Variants in CLK1 observed in about 807,000 individuals in gnomAD.
CLK1 encodes CDC like kinase 1.
Under a neutral mutation model 60.9 loss-of-function variants are expected in CLK1, and 40 were observed. The ratio of observed to expected loss-of-function variants is 0.66; its 90% CI spans 0.51 to 0.86. The LOEUF is 0.86. Among genes scored for constraint, CLK1 ranks in the 40% least tolerant of loss-of-function variants. The pLI is 0.00. For synonymous variants in CLK1, 203 were observed against 184.4 expected (o/e 1.10, Z -0.82); for missense variants, 563 against 606.1 (o/e 0.93, Z 0.75).
Position 200,861,740 on chromosome 2 carries a change from G to A in CLK1, c.123C>T (p.Asn41=). 6.2e-7 allele frequency: 1 copy of A among 1,614,076 alleles called. No homozygotes were observed. Among genetic ancestry groups the A allele is most frequent in the Non-Finnish European group, 8.5e-7 (1 of 1,180,002 alleles). The change falls in exon 2 of 13, where the codon AAC becomes AAT. Residue 41 remains asparagine, a synonymous_variant. Coordinates refer to ENST00000321356, the MANE Select transcript of CLK1 (RefSeq NM_004071.4). ...TAGAGTGATTGTATTTGCAGCGCTT[G>A]TTCTCCTGGGCACTGCTATGTGATC... ...RKRSHSSAQE[N]KRCKYNHSKM... is the part of the protein sequence containing the mutation.
intron 4 of CLK1, 85 bp downstream of exon 4, chr2:200,860,040 A>G: frequency 6.5e-7 from 1 of 1,529,256 alleles, no homozygotes; most frequent in Non-Finnish European, 8.8e-7. Flanking sequence ...AGAAAGAAAA[A>G]AAGATTTCCA....
At position 200,854,699 on chromosome 2, in the gene CLK1, GAAATA is replaced by G. The variant is rs981107368; in HGVS notation, c.1141-9_1141-5del. 2 of 1,593,368 alleles carry G rather than the reference GAAATA, an allele frequency of 1.3e-6. No individual in the cohort carries two copies. The highest frequency in any genetic ancestry group is 1.7e-6 in the Non-Finnish European group (2 of 1,162,274). ...AATGCTCCTTACTATCGTGTGTCTA[GAAATA>G]AAATAAAAACAGACTTGGGGAAGAT... On this transcript the variant is annotated splice_region_variant and splice_polypyrimidine_tract_variant and intron_variant, in intron 10 of 12. Coordinates refer to ENST00000321356, the MANE Select transcript of CLK1 (RefSeq NM_004071.4).
At chr2:200,860,066 A>C (rs1396864706) in intron 4 of CLK1, 59 bp downstream of exon 4, 5 of 1,566,784 alleles carry the variant, frequency 3.2e-6, no homozygotes, top group Non-Finnish European at 3.5e-6. Context: ...CTGAAAGCTT[A>C]ATCTATATAT....
At chr2:200,858,142 C>T (rs1381106096) in intron 5 of CLK1, 53 bp from the exon 6 acceptor site, 1 of 1,148,398 alleles carries the variant, frequency 8.7e-7, no homozygotes, top group East Asian at 2.3e-5. Context: ...TGCTCAATTC[C>T]AGGTATTACT....
chr2:200,857,235 G>A (rs1015873387), intron 7 of CLK1: 15 of 464,490 alleles, frequency 3.2e-5, no homozygotes, highest in African/African-American at 2.3e-4. Context: ...GAACTGGGGA[G>A]GCAGAGTTTG....
At position 200,853,189 on chromosome 2, in the gene CLK1, A is replaced by C; in HGVS notation, c.*117T>G. The C allele has an allele frequency of 5.3e-6, 4 of 749,750 alleles. No homozygotes were observed. The highest frequency in any genetic ancestry group is 8.2e-6 in the Non-Finnish European group (4 of 488,970). 46.4% of individuals were successfully genotyped at this position (749,750 alleles called of 1,614,324 possible). A position where few individuals can be genotyped will look rare whatever the true frequency, so the allele number is the denominator to read the frequency against. ...TGAACCAAATTACCCAAACAAAATAAACATGGCAATATAAAAATGTTAAGA... is the reference window on the plus strand; with the variant it reads ...TGAACCAAATTACCCAAACAAAATACACATGGCAATATAAAAATGTTAAGA... On this transcript the variant is annotated 3_prime_UTR_variant, in exon 13 of 13. Transcript: ENST00000321356.
At chr2:200,860,506 AT>A in intron 3 of CLK1, 1 of 1,096,068 alleles carries the variant, frequency 9.1e-7, no homozygotes. Flanking sequence ...AAAAAAAAAA[AT>A]GCTTAGTTGT....
In CLK1 at chr2:200,856,785, A is replaced by G. The variant is rs779423261; in HGVS notation, c.954T>C (p.Asn318=). Residue 318 remains asparagine, a synonymous_variant, in exon 9 of 13, where the codon AAT becomes AAC. Coordinates refer to ENST00000321356, the MANE Select transcript of CLK1 (RefSeq NM_004071.4). The part of the protein sequence containing the change: ...KIKRDERTLI[N]PDIKVVDFGS... ...CAAAGTCTACAACTTTAATATCTGG[A>G]TTTATTAAGGTGCGTTCATCACGTT... The G allele has an allele frequency of 1.9e-6, 3 of 1,613,608 alleles. No individual in the cohort carries two copies. Among genetic ancestry groups the G allele is most frequent in the Middle Eastern group, 3.3e-4 (2 of 6,038 alleles).
intron 1 of CLK1, chr2:200,864,100 C>G (rs75648691): frequency 6.5e-7 from 1 of 1,549,334 alleles, no homozygotes; most frequent in South Asian, 1.2e-5. Context: ...TCTCCACTTA[C>G]TCCAGACAAC....
At chr2:200,855,722 T>A (rs2105735360) in intron 9 of CLK1, among the ~76,000 whole-genome samples, 1 of 150,190 alleles carries the variant, frequency 6.7e-6, no homozygotes, top group South Asian at 2.1e-4. Flanking sequence ...AAATACAATA[T>A]ATATGGCCGG....
At chr2:200,860,081 T>C in intron 4 of CLK1, 44 bp downstream of exon 4, 1 of 1,601,712 alleles carries the variant, frequency 6.2e-7, no homozygotes, top group South Asian at 1.1e-5. Flanking sequence ...ATATATAGAT[T>C]ATGTTATCTG....
chr2:200,857,103 C>G lies in CLK1; in HGVS notation c.833-118G>C. Reference sequence around the variant, plus strand: ...CTGTAATCACCTGAGGTCAGGAGTTCGAGACCAGCCTGACCAATATGGTGA... The same window carrying G: ...CTGTAATCACCTGAGGTCAGGAGTTGGAGACCAGCCTGACCAATATGGTGA... On this transcript the variant is annotated intron_variant, in intron 7 of 12. Coordinates refer to ENST00000321356, the MANE Select transcript of CLK1 (RefSeq NM_004071.4). 1.1e-5 allele frequency: 8 copies of G among 755,148 alleles called. No homozygotes were observed. In the South Asian group the frequency reaches 1.1e-4, roughly 10 times the overall value. The allele number at this position is 755,148 out of a possible 1,614,324, so 46.8% of individuals were successfully genotyped here. A position where few individuals can be genotyped will look rare whatever the true frequency, so the allele number is the denominator to read the frequency against.
chr2:200,864,315 G>A, intron 1 of CLK1: 4 of 1,437,402 alleles, frequency 2.8e-6, no homozygotes, highest in South Asian at 2.9e-5. Context: ...GAGGGCAGAA[G>A]CTCCAAGAGG....
chr2:200,855,147 AAGTT>A (rs1409084964), intron 9 of CLK1, 61 bp from the exon 10 acceptor site: 15 of 1,317,114 alleles, frequency 1.1e-5, no homozygotes, highest in South Asian at 5.1e-5. Flanking sequence ...AGAAATTAAA[AAGTT>A]AGTTAACACT....
Position 200,856,723 on chromosome 2 carries a change from A to T in CLK1, c.1016T>A (p.Leu339Ter). ...ATYDDEHHST[L>*]VSTRHYRAPE... Reference sequence around the variant, plus strand: ...TGCTCTATAATGTCTTGTAGATACCAATGTACTGTGATGTTCGTCATCATA... The same window carrying T: ...TGCTCTATAATGTCTTGTAGATACCTATGTACTGTGATGTTCGTCATCATA... The change falls in exon 9 of 13, where the codon TTG (leucine) becomes TAG (stop). Residue 339 changes from leucine to a stop codon, truncating the protein, a stop_gained. Transcript: ENST00000321356. LOFTEE classifies it high-confidence loss of function. The T allele has an allele frequency of 6.2e-7, 1 of 1,612,178 alleles. No homozygotes were observed. Among genetic ancestry groups the T allele is most frequent in the East Asian group, 2.2e-5 (1 of 44,852 alleles).
chr2:200,861,587 CA>C, intron 2 of CLK1, 114 bp downstream of exon 2: 2 of 1,557,850 alleles, frequency 1.3e-6, no homozygotes, highest in South Asian at 1.2e-5. Context: ...TACAAACCAT[CA>C]AAATCTCTCA....
At chr2:200,862,179 C>G (rs2039150118) in intron 1 of CLK1, among the ~76,000 whole-genome samples, 1 of 152,106 alleles carries the variant, frequency 6.6e-6, no homozygotes, top group South Asian at 2.1e-4. Flanking sequence ...CCTGCCCTCC[C>G]AGTAGTACAA....
intron 3 of CLK1, chr2:200,860,576 C>A (rs772678007): frequency 1.2e-4 from 125 of 1,012,162 alleles, no homozygotes; most frequent in Non-Finnish European, 1.4e-4. Flanking sequence ...GTTGCAAAAT[C>A]GTATGATGTA....
Position 200,857,784 on chromosome 2 carries a change from C to T in CLK1, c.766G>A (p.Gly256Ser), listed in dbSNP as rs1443419316. Residue 256 changes from glycine (G) to serine (S), a missense_variant, in exon 7 of 13, where the codon GGT (glycine) becomes AGT (serine). By Grantham distance (56) the Gly-to-Ser change is moderately conservative (BLOSUM62 0). Transcript: ENST00000321356. ...TGATCCAGTCGAAATGGTAGAAAACCATTTTCTTTAATGAAGTCGTAAGTA... is the reference window on the plus strand; with the variant it reads ...TGATCCAGTCGAAATGGTAGAAAACTATTTTCTTTAATGAAGTCGTAAGTA... The part of the protein sequence containing the change: ...LSTYDFIKEN[G>S]FLPFRLDHIR... The T allele has an allele frequency of 1.2e-6, 2 of 1,613,076 alleles. No homozygotes were observed. Among genetic ancestry groups the T allele is most frequent in the Non-Finnish European group, 1.7e-6 (2 of 1,179,538 alleles).
Sources: allele counts gnomAD v4.1 joint callset (sites outside exome capture counted in the v4.1 genomes callset), GRCh38; gene constraint gnomAD v4.1.1; transcripts MANE v1.5; gene names NCBI Gene and HGNC (gene_info 2026-07-23, HGNC 2026-07-21).